SULF2: variants seen among roughly 807,000 people sequenced by gnomAD.
SULF2 encodes sulfatase 2.
In SULF2, 52 loss-of-function variants were observed where a neutral mutation model predicts 107.7. That is an observed-to-expected ratio of 0.48 (90% CI 0.39 to 0.61). The LOEUF is 0.61. Among genes scored for constraint, SULF2 ranks in the 20% least tolerant of loss-of-function variants. The probability of loss-of-function intolerance (pLI) is 0.00; values close to 1 mark genes in which losing one functional copy is unlikely to be tolerated. For synonymous variants in SULF2, 460 were observed against 464.3 expected (o/e 0.99, Z 0.12); for missense variants, 993 against 1,177.3 (o/e 0.84, Z 2.29).
chr20:47,702,404 G>T, intron 4 of SULF2, 115 bp downstream of exon 4: 1 of 1,253,314 alleles, frequency 8.0e-7, no homozygotes, highest in East Asian at 2.4e-5. Context: ...AATGCTCAAG[G>T]TCACACTTTT....
In SULF2 at chr20:47,707,597, G is replaced by A. The variant is rs143060164; in HGVS notation, c.416-4927C>T. 4.7e-4 allele frequency among the ~76,000 whole-genome samples: 72 copies of A among 152,172 alleles called. 1 individual carries two copies. The East Asian group carries it at 0.013, about 27-fold the overall frequency. ...ACCAGTGGCTGCCAGCTGACTTCCC[G>A]GTAGATGAAGTACTCGAGTGAGATA... is the stretch of plus-strand genomic sequence containing the variant. On this transcript the variant is annotated intron_variant, in intron 3 of 20. Transcript: ENST00000688720.
chr20:47,701,772 G>A (rs984636682), intron 4 of SULF2, among the ~76,000 whole-genome samples: 3 of 152,224 alleles, frequency 2.0e-5, no homozygotes, highest in African/African-American at 7.2e-5. Flanking sequence ...CTAAGCAGGA[G>A]AAGCCAGATG....
rs922552274 is a variant in SULF2 at position 47,678,309 on chromosome 20, G to A, written c.1193+367C>T. The A allele has an allele frequency of 1.1e-5, 2 of 174,112 alleles. No homozygotes were observed. Among genetic ancestry groups the A allele is most frequent in the African/African-American group, 4.7e-5 (2 of 42,322 alleles). The allele number at this position is 174,112 out of a possible 1,614,324, so 10.8% of individuals were successfully genotyped here. ...ATGATGATAATGTCCACCTCGCTGG[G>A]TTACTGTGAGGATCAAATTCCTAGA... is the stretch of plus-strand genomic sequence containing the variant. On this transcript the variant is annotated intron_variant, in intron 8 of 20. Coordinates refer to ENST00000688720, the MANE Select transcript of SULF2 (RefSeq NM_001387048.1). The surrounding 1 kb of genome is among the most constrained non-coding windows in gnomAD (Gnocchi z 4.5).
At chr20:47,727,435 C>T (rs540859782) in intron 3 of SULF2, among the ~76,000 whole-genome samples, 5 of 152,284 alleles carry the variant, frequency 3.3e-5, no homozygotes, top group East Asian at 1.9e-4. Context: ...GCAGGGAAAG[C>T]GTGGCCCTGA....
chr20:47,720,186 C>G (rs1323510607), intron 3 of SULF2, among the ~76,000 whole-genome samples: 1 of 152,110 alleles, frequency 6.6e-6, no homozygotes, highest in Non-Finnish European at 1.5e-5. Flanking sequence ...ATCTCCTGAC[C>G]TCATGATTCA....
rs1162064987 is a variant in SULF2, at chr20:47,666,869, C to T, written c.1577-381G>A. Among the ~76,000 whole-genome samples, 15 of 152,196 alleles carry T rather than the reference C, an allele frequency of 9.9e-5. No individual in the cohort carries two copies. The highest frequency in any genetic ancestry group is 9.8e-4 in the Admixed American group (15 of 15,284). ...AATGTCAAAAGCAGGCGGAGTGAAA[C>T]CAGCCAGACACAAAGCGGGCTCGTA... On this transcript the variant is annotated intron_variant, in intron 11 of 20. Transcript: ENST00000688720. This position sits in a 1 kb window ranked among gnomAD's most constrained non-coding sequence, Gnocchi z 5.4.
chr20:47,687,055 T>C (rs1305472750), intron 5 of SULF2, among the ~76,000 whole-genome samples: 1 of 152,094 alleles, frequency 6.6e-6, no homozygotes, highest in Non-Finnish European at 1.5e-5. Context: ...GTGGGAAAAT[T>C]GGTCCCGCAG....
In SULF2 at chr20:47,678,461, T is replaced by C. The variant is rs2087720010; in HGVS notation, c.1193+215A>G. On this transcript the variant is annotated intron_variant, in intron 8 of 20. Coordinates refer to ENST00000688720, the MANE Select transcript of SULF2 (RefSeq NM_001387048.1). This position sits in a 1 kb window ranked among gnomAD's most constrained non-coding sequence, Gnocchi z 4.5. ...TTTTAGCTCAGAGAAGGTCCCCAAC[T>C]GGTCACCTTGGCCACATTCCAGATG... The C allele has an allele frequency of 6.4e-6, 4 of 621,552 alleles. No homozygotes were observed. Among genetic ancestry groups the C allele is most frequent in the Admixed American group, 5.1e-5 (2 of 38,872 alleles). 38.5% of individuals were successfully genotyped at this position (621,552 alleles called of 1,614,324 possible).
chr20:47,682,980 G>GA lies in SULF2; in HGVS notation c.1064+13dup. On this transcript the variant is annotated intron_variant, in intron 7 of 20. Transcript: ENST00000688720. ...CAGGGGCCTCCCTGGGTCCCTGGGG[G>GA]ATGACACACTTACAGACAGCCGGCT... The GA allele has an allele frequency of 6.3e-7, 1 of 1,588,618 alleles. No individual in the cohort carries two copies. Among genetic ancestry groups the GA allele is most frequent in the Non-Finnish European group, 8.6e-7 (1 of 1,163,760 alleles).
intron 10 of SULF2, among the ~76,000 whole-genome samples, chr20:47,675,758 G>A (rs554693244): frequency 3.1e-5 from 2 of 63,628 alleles, no homozygotes; most frequent in East Asian, 3.6e-4. Flanking sequence ...CCCCGCCCCC[G>A]ACCCTCCTCT....
At chr20:47,758,114 G>A (rs1353062362) in intron 1 of SULF2, among the ~76,000 whole-genome samples, 5 of 151,230 alleles carry the variant, frequency 3.3e-5, no homozygotes, top group Non-Finnish European at 7.4e-5. Flanking sequence ...GGGGATGCGT[G>A]TGAAAGCCCC....
chr20:47,662,499 A>C (rs2087110063), intron 17 of SULF2, among the ~76,000 whole-genome samples: 1 of 152,236 alleles, frequency 6.6e-6, no homozygotes, highest in African/African-American at 2.4e-5. Flanking sequence ...GGGCAATACC[A>C]AGGCCACAGT....
chr20:47,728,603 G>A (rs1000677000), intron 3 of SULF2, among the ~76,000 whole-genome samples: 8 of 152,126 alleles, frequency 5.3e-5, no homozygotes, highest in Admixed American at 1.3e-4. Flanking sequence ...GGCAACCCGC[G>A]AGGGCACAGA....
rs750252693 is a variant in SULF2, at chr20:47,666,101, T to C, written c.1806-148A>G. 7 of 1,612,002 alleles carry C rather than the reference T, an allele frequency of 4.3e-6. No individual in the cohort carries two copies. Among genetic ancestry groups the C allele is most frequent in the Non-Finnish European group, 5.9e-6 (7 of 1,178,804 alleles). ...CTGGACACTCACCGATGTGTCACTT[T>C]AATGGGGTTGGCGGCTGAATAGTCG... On this transcript the variant is annotated intron_variant, in intron 12 of 20. Transcript: ENST00000688720. The surrounding 1 kb of genome is among the most constrained non-coding windows in gnomAD (Gnocchi z 5.4).
At chr20:47,660,605 AAT>A (rs953113944) in intron 18 of SULF2, among the ~76,000 whole-genome samples, 7 of 151,534 alleles carry the variant, frequency 4.6e-5, no homozygotes, top group Non-Finnish European at 1.0e-4. Flanking sequence ...TTCTTTTTTT[AAT>A]ATATTTTTTT....
At chr20:47,777,404 C>T (rs375670691) in intron 1 of SULF2, among the ~76,000 whole-genome samples, 30 of 152,168 alleles carry the variant, frequency 2.0e-4, no homozygotes, top group East Asian at 7.7e-4. Context: ...TAGGGTGATG[C>T]GACGTCTGGA....
intron 17 of SULF2, 141 bp from the exon 18 acceptor site, chr20:47,662,037 C>T: frequency 9.4e-6 from 8 of 855,400 alleles, no homozygotes; most frequent in Non-Finnish European, 8.1e-6. Flanking sequence ...CCAACTTCTG[C>T]AAGAGCCAGC....
Position 47,663,196 on chromosome 20 carries a change from G to C in SULF2, c.2244C>G (p.Ala748=). ...ACGTGTTATTGTTGGCGCTGGTGCA[G>C]GCACAGAAAGGCCCCACTGCCAAGG... ...APFWTLGPFC[A]CTSANNNTYW... Residue 748 remains alanine, a synonymous_variant, in exon 17 of 21, where the codon GCC becomes GCG. Coordinates refer to ENST00000688720, the MANE Select transcript of SULF2 (RefSeq NM_001387048.1). 6.2e-7 allele frequency: 1 copy of C among 1,614,146 alleles called. No individual in the cohort carries two copies. The highest frequency in any genetic ancestry group is 1.1e-5 in the South Asian group (1 of 91,080).
At chr20:47,767,905 T>G (rs2090556077) in intron 1 of SULF2, among the ~76,000 whole-genome samples, 1 of 120,320 alleles carries the variant, frequency 8.3e-6, no homozygotes. Flanking sequence ...CAAGACTCTG[T>G]CTCAAAAAAA....
Sources: gnomAD v4.1 joint callset for allele counts (sites outside exome capture counted in the v4.1 genomes callset) on GRCh38, gnomAD v4.1.1 for gene constraint, Gnocchi (gnomAD v3.1) non-coding constraint, MANE v1.5 for transcripts, NCBI Gene and HGNC (gene_info 2026-07-23, HGNC 2026-07-21) for gene names.